JARID2: variants seen among roughly 807,000 people sequenced by gnomAD.
JARID2 encodes protein Jumonji.
JARID2 carries 21 observed loss-of-function variants against 125.6 expected under a neutral mutation model. The ratio of observed to expected loss-of-function variants is 0.17; its 90% CI spans 0.12 to 0.24. The LOEUF is 0.24. Among genes scored for constraint, JARID2 ranks in the 10% least tolerant of loss-of-function variants. The pLI, the probability that JARID2 is intolerant of heterozygous loss-of-function variation, is 1.00. For synonymous variants in JARID2, 736 were observed against 661.6 expected (o/e 1.11, Z -1.73); for missense variants, 1,303 against 1,639.6 (o/e 0.79, Z 3.55).
At chr6:15,382,684 C>A (rs1764634832) in intron 2 of JARID2, among the ~76,000 whole-genome samples, 1 of 152,200 alleles carries the variant, frequency 6.6e-6, no homozygotes, top group African/African-American at 2.4e-5. Context: ...ATGCTGAAGC[C>A]TGATTGGAAC....
At chr6:15,425,859 A>C (rs1766703589) in intron 3 of JARID2, among the ~76,000 whole-genome samples, 1 of 152,222 alleles carries the variant, frequency 6.6e-6, no homozygotes, top group Non-Finnish European at 1.5e-5. Flanking sequence ...CGGCAGCTTC[A>C]ATATGGTCAT....
intron 2 of JARID2, among the ~76,000 whole-genome samples, chr6:15,397,982 A>G (rs1358995223): frequency 2.0e-5 from 3 of 152,202 alleles, no homozygotes; most frequent in Admixed American, 6.5e-5. Flanking sequence ...AATAATGAAA[A>G]TGGATAGGCA....
chr6:15,278,037 C>T (rs1760601834), intron 1 of JARID2, among the ~76,000 whole-genome samples: 1 of 150,128 alleles, frequency 6.7e-6, no homozygotes, highest in African/African-American at 2.5e-5. Context: ...CATTTCAGAT[C>T]AGGAGTTTGA....
chr6:15,298,547 G>A (rs1177370872), intron 1 of JARID2, among the ~76,000 whole-genome samples: 1 of 151,960 alleles, frequency 6.6e-6, no homozygotes, highest in Non-Finnish European at 1.5e-5. Flanking sequence ...GGGTGTGGTG[G>A]TGCATGCCTC....
chr6:15,444,335 G>C (rs953121170), intron 3 of JARID2, among the ~76,000 whole-genome samples: 1 of 152,192 alleles, frequency 6.6e-6, no homozygotes, highest in African/African-American at 2.4e-5. Context: ...ATTGGTCTCT[G>C]CTAGCCTCTG....
intron 4 of JARID2, among the ~76,000 whole-genome samples, chr6:15,457,772 T>C (rs768606698): frequency 6.6e-6 from 1 of 152,060 alleles, no homozygotes; most frequent in Non-Finnish European, 1.5e-5. Flanking sequence ...ATCTTTGAGA[T>C]GGGGAGGAAA....
chr6:15,255,759 T>C (rs943899386), intron 1 of JARID2, among the ~76,000 whole-genome samples: 4 of 152,278 alleles, frequency 2.6e-5, no homozygotes, highest in African/African-American at 9.6e-5. Context: ...ATTTAGTCCT[T>C]CTATAGGTTT....
At chr6:15,320,852 C>CTGTGTGTGTGTGTGTGTGTGTG (rs71944757) in intron 1 of JARID2, among the ~76,000 whole-genome samples, 12 of 145,410 alleles carry the variant, frequency 8.3e-5, no homozygotes, top group African/African-American at 3.1e-4. Flanking sequence ...CTCTCTCTCT[C>CTGTGTGTGTGTGTGTGTGTGTG]TGTGTGTGTG....
chr6:15,287,758 G>A (rs137857596), intron 1 of JARID2, among the ~76,000 whole-genome samples: 20 of 152,308 alleles, frequency 1.3e-4, no homozygotes, highest in Admixed American at 3.9e-4. Context: ...TCCTCGAGGA[G>A]ACATGTCTAG....
At chr6:15,375,543 T>C (rs763310525) in intron 2 of JARID2, among the ~76,000 whole-genome samples, 17 of 152,226 alleles carry the variant, frequency 1.1e-4, no homozygotes, top group Non-Finnish European at 2.2e-4. Context: ...TAGACCCTCA[T>C]AGCTGCTTTC....
At chr6:15,367,133 A>G (rs1409752747) in intron 1 of JARID2, among the ~76,000 whole-genome samples, 1 of 152,084 alleles carries the variant, frequency 6.6e-6, no homozygotes, top group Non-Finnish European at 1.5e-5. Flanking sequence ...TGACTTGACC[A>G]CTCTACCTGT....
intron 3 of JARID2, among the ~76,000 whole-genome samples, chr6:15,437,248 T>C (rs578130140): frequency 2.0e-5 from 3 of 152,310 alleles, no homozygotes; most frequent in Non-Finnish European, 2.9e-5. Flanking sequence ...TCATACTTTA[T>C]GTTGTGAGGC....
chr6:15,286,144 G>T (rs557822712), intron 1 of JARID2, among the ~76,000 whole-genome samples: 1 of 152,234 alleles, frequency 6.6e-6, no homozygotes, highest in South Asian at 2.1e-4. Flanking sequence ...TGGGTGAGTG[G>T]CTAAGTAAGT....
intron 4 of JARID2, among the ~76,000 whole-genome samples, chr6:15,464,104 G>A (rs905692071): frequency 6.6e-5 from 10 of 151,954 alleles, no homozygotes; most frequent in African/African-American, 2.2e-4. Context: ...CTTTTCTATC[G>A]CTGTGACCAT....
At chr6:15,482,069 C>G (rs779908200) in intron 5 of JARID2, among the ~76,000 whole-genome samples, 1 of 152,180 alleles carries the variant, frequency 6.6e-6, no homozygotes, top group Non-Finnish European at 1.5e-5. Flanking sequence ...AATGAAGGAT[C>G]TGTTTTTTTC....
chr6:15,246,387 C>T lies in JARID2; in HGVS notation c.-153C>T. The T allele has an allele frequency of 1.6e-5, 9 of 573,280 alleles. No individual in the cohort carries two copies. The highest frequency in any genetic ancestry group is 3.2e-5 in the Admixed American group (1 of 31,080). 35.5% of individuals were successfully genotyped at this position (573,280 alleles called of 1,614,324 possible). The stretch of plus-strand genomic sequence containing the variant: ...ATTTCGGATTTATTTCAAGGCGAAT[C>T]TGGCTTTGGGGGAAGAGGAAGAAAA... On this transcript the variant is annotated 5_prime_UTR_variant, in exon 1 of 18. Coordinates refer to ENST00000341776, the MANE Select transcript of JARID2 (RefSeq NM_004973.4).
At chr6:15,384,372 T>A (rs886405532) in intron 2 of JARID2, among the ~76,000 whole-genome samples, 1 of 73,518 alleles carries the variant, frequency 1.4e-5, no homozygotes, top group African/African-American at 5.0e-5. Context: ...CCCACTTTGA[T>A]TTTTTTTTTT....
intron 3 of JARID2, among the ~76,000 whole-genome samples, chr6:15,441,364 A>C (rs1767439417): frequency 1.3e-5 from 2 of 152,196 alleles, no homozygotes; most frequent in African/African-American, 4.8e-5. Context: ...AAATTGGCTA[A>C]TACTAGTGCT....
chr6:15,281,004 C>G (rs1415210893), intron 1 of JARID2, among the ~76,000 whole-genome samples: 4 of 152,098 alleles, frequency 2.6e-5, no homozygotes, highest in African/African-American at 9.7e-5. Flanking sequence ...TTATTACTAG[C>G]TAGGAAATCC....
Sources: allele counts gnomAD v4.1 joint callset (sites outside exome capture counted in the v4.1 genomes callset), GRCh38; gene constraint gnomAD v4.1.1; transcripts MANE v1.5; gene names NCBI Gene and HGNC (gene_info 2026-07-23, HGNC 2026-07-21).